The following PEBP4 variants were observed in gnomAD, a reference collection of about 807,000 sequenced individuals.
The protein encoded by PEBP4 is phosphatidylethanolamine binding protein 4.
A neutral mutation model predicts 23.9 loss-of-function variants in PEBP4; 22 were observed. The observed-to-expected ratio is 0.92, with a 90% CI of 0.66 to 1.31. The LOEUF (loss-of-function observed/expected upper bound fraction) is 1.31, where lower values mean the gene tolerates loss of function less well. Among genes scored for constraint, PEBP4 ranks in the 40% most tolerant of loss-of-function variants. The pLI is 0.00. For synonymous variants in PEBP4, 112 were observed against 99.3 expected, an observed-to-expected ratio of 1.13 and a Z score of -0.76; for missense variants, 324 against 281.7, an observed-to-expected ratio of 1.15 and a Z score of -1.07.
chr8:22,901,481 C>T (rs1808708536), intron 3 of PEBP4, among the ~76,000 whole-genome samples: 1 of 152,078 alleles, frequency 6.6e-6, no homozygotes, highest in Non-Finnish European at 1.5e-5. Flanking sequence ...CAGCTTCTAA[C>T]CTCTGGGGAG....
In PEBP4 at chr8:22,720,748, G is replaced by T. The variant is rs545899711; in HGVS notation, c.517+4095C>A. 2.0e-4 allele frequency among the ~76,000 whole-genome samples: 31 copies of T among 152,282 alleles called. No individual in the cohort carries two copies. In the South Asian group the frequency reaches 6.2e-3, roughly 31 times the overall value. Reference sequence around the variant, plus strand: ...GGGGTCTCTCTGTTCCTCCTATCTTGGGGACCAGTTATGCTTGTGCTGTTT... The same window carrying T: ...GGGGTCTCTCTGTTCCTCCTATCTTTGGGACCAGTTATGCTTGTGCTGTTT... On this transcript the variant is annotated intron_variant, in intron 6 of 6. Transcript: ENST00000256404.
At chr8:22,909,036 C>T (rs2466208) in intron 3 of PEBP4, among the ~76,000 whole-genome samples, 71,849 of 152,010 alleles carry the variant, frequency 0.47, 17,780 homozygotes, top group South Asian at 0.64. Context: ...CCCACCCGAC[C>T]CAAATCAGGG....
At chr8:22,837,494 G>A (rs1014399972) in intron 3 of PEBP4, among the ~76,000 whole-genome samples, 2 of 152,152 alleles carry the variant, frequency 1.3e-5, no homozygotes, top group Admixed American at 1.3e-4. Context: ...AGAACAACTC[G>A]CTACAGACTT....
At chr8:22,821,880 G>A (rs1040070855) in intron 3 of PEBP4, among the ~76,000 whole-genome samples, 26 of 151,744 alleles carry the variant, frequency 1.7e-4, no homozygotes, top group African/African-American at 6.3e-4. Flanking sequence ...AGCTACTCCA[G>A]AGGCTGAGGC....
chr8:22,760,004 T>TG (rs1301901706), intron 4 of PEBP4, among the ~76,000 whole-genome samples: 1 of 152,220 alleles, frequency 6.6e-6, no homozygotes, highest in Non-Finnish European at 1.5e-5. Flanking sequence ...TCACCTCCTC[T>TG]GGGAAGCCTT....
At chr8:22,734,092 G>T (rs893528854) in intron 4 of PEBP4, among the ~76,000 whole-genome samples, 1 of 152,250 alleles carries the variant, frequency 6.6e-6, no homozygotes, top group Non-Finnish European at 1.5e-5. Context: ...AAGTGGCAAA[G>T]GATCCAGGAA....
intron 4 of PEBP4, among the ~76,000 whole-genome samples, chr8:22,769,203 T>G (rs1398315232): frequency 1.3e-5 from 2 of 152,122 alleles, no homozygotes; most frequent in African/African-American, 2.4e-5. Context: ...AGCCTCACGC[T>G]CCCTGGGCAC....
At chr8:22,731,866 G>A (rs1457049335) in intron 4 of PEBP4, among the ~76,000 whole-genome samples, 3 of 150,670 alleles carry the variant, frequency 2.0e-5, no homozygotes, top group African/African-American at 2.4e-5. Flanking sequence ...TAGTAGAGAC[G>A]GGGTTTCACC....
In PEBP4 at chr8:22,837,380, C is replaced by T. The variant is rs1229211568; in HGVS notation, c.259-19645G>A. Among the ~76,000 whole-genome samples, 5 of 152,226 alleles carry T rather than the reference C, an allele frequency of 3.3e-5. No individual in the cohort carries two copies. In the East Asian group the frequency reaches 5.8e-4, roughly 18 times the overall value. On this transcript the variant is annotated intron_variant, in intron 3 of 6. Coordinates refer to ENST00000256404, the MANE Select transcript of PEBP4 (RefSeq NM_144962.3). ...TGTTCATTTCCACGGGTGATATTCA[C>T]ACCGTGGTCTGTCCAAGCTACCAAC... is the stretch of plus-strand genomic sequence containing the variant.
intron 3 of PEBP4, among the ~76,000 whole-genome samples, chr8:22,878,673 G>A (rs1317648897): frequency 6.6e-6 from 1 of 152,206 alleles, no homozygotes; most frequent in Non-Finnish European, 1.5e-5. Context: ...GCCTGAGCAA[G>A]TCGGCAGAGC....
chr8:22,912,694 C>G (rs1481488572), intron 3 of PEBP4, among the ~76,000 whole-genome samples: 2 of 152,236 alleles, frequency 1.3e-5, no homozygotes, highest in African/African-American at 2.4e-5. Flanking sequence ...ACCTGAACAT[C>G]TAACTGCAAA....
At chr8:22,920,116 G>T in intron 3 of PEBP4, 68 bp downstream of exon 3, 1 of 1,565,150 alleles carries the variant, frequency 6.4e-7, no homozygotes, top group Non-Finnish European at 8.7e-7. Flanking sequence ...TCACCCAGAT[G>T]AGCAAGCCTG....
chr8:22,871,617 C>A (rs140006209), intron 3 of PEBP4, among the ~76,000 whole-genome samples: 1 of 141,986 alleles, frequency 7.0e-6, no homozygotes, highest in East Asian at 2.1e-4. Context: ...TGCAGTGGTA[C>A]GATCTTGGCT....
At chr8:22,880,149 G>T (rs565551799) in intron 3 of PEBP4, among the ~76,000 whole-genome samples, 3 of 152,278 alleles carry the variant, frequency 2.0e-5, no homozygotes, top group African/African-American at 7.2e-5. Flanking sequence ...ACCCTGAAAG[G>T]AGTGGATGAT....
Position 22,770,982 on chromosome 8 carries a change from G to A in PEBP4, c.358-43762C>T, listed in dbSNP as rs569418244. 5.8e-4 allele frequency among the ~76,000 whole-genome samples: 89 copies of A among 152,292 alleles called. 1 individual carries two copies. The highest frequency in any genetic ancestry group is 9.7e-4 in the Non-Finnish European group (66 of 68,018). On this transcript the variant is annotated intron_variant, in intron 4 of 6. Coordinates refer to ENST00000256404, the MANE Select transcript of PEBP4 (RefSeq NM_144962.3). ...AAGTTACTTCTCAACTCACTCACTC[G>A]TGAGAAGGCATTGAAATCAGATATG...
At chr8:22,819,405 A>T (rs961962673) in intron 3 of PEBP4, among the ~76,000 whole-genome samples, 1 of 152,188 alleles carries the variant, frequency 6.6e-6, no homozygotes, top group Non-Finnish European at 1.5e-5. Context: ...TCACGATAAG[A>T]CCAGTTTCAG....
intron 4 of PEBP4, among the ~76,000 whole-genome samples, chr8:22,764,441 C>A (rs1805570446): frequency 6.6e-6 from 1 of 152,160 alleles, no homozygotes. Flanking sequence ...AGTTAGCTGG[C>A]AGCCTCACTG....
intron 4 of PEBP4, among the ~76,000 whole-genome samples, chr8:22,797,463 A>G (rs1806288087): frequency 6.6e-6 from 1 of 152,142 alleles, no homozygotes; most frequent in South Asian, 2.1e-4. Flanking sequence ...CATTGGCAGA[A>G]GAGATCAGGG....
chr8:22,919,801 G>A (rs1398143288), intron 3 of PEBP4, among the ~76,000 whole-genome samples: 1 of 152,192 alleles, frequency 6.6e-6, no homozygotes, highest in African/African-American at 2.4e-5. Context: ...CCCGCGCCTT[G>A]AGAGAGGACT....
Sources: allele counts gnomAD v4.1 joint callset (sites outside exome capture counted in the v4.1 genomes callset), GRCh38; gene constraint gnomAD v4.1.1; transcripts MANE v1.5; gene names NCBI Gene and HGNC (gene_info 2026-07-23, HGNC 2026-07-21).